Variants in FAM234A observed in about 807,000 individuals in gnomAD.
The protein encoded by FAM234A is family with sequence similarity 234 member A.
FAM234A carries 42 observed loss-of-function variants against 49.1 expected under a neutral mutation model. The ratio of observed to expected loss-of-function variants is 0.86; its 90% CI spans 0.67 to 1.11. The LOEUF (loss-of-function observed/expected upper bound fraction) is 1.11, where lower values mean the gene tolerates loss of function less well. Ranked by LOEUF, FAM234A falls within the 50% of genes least tolerant of loss-of-function variation. The probability of loss-of-function intolerance (pLI) is 0.00; values close to 1 mark genes in which losing one functional copy is unlikely to be tolerated. For synonymous variants in FAM234A, 369 were observed against 316.2 expected, an observed-to-expected ratio of 1.17 and a Z score of -1.77; for missense variants, 815 against 745.2, an observed-to-expected ratio of 1.09 and a Z score of -1.09.
downstream of FAM234A, chr16:269,710 G>T: frequency 2.7e-6 from 2 of 749,472 alleles, no homozygotes; most frequent in Non-Finnish European, 4.4e-6. Context: ...CGGACAGGGT[G>T]CTGGAGGCAG....
chr16:241,353 G>C (rs2050605717), intron 1 of FAM234A, among the ~76,000 whole-genome samples: 1 of 152,098 alleles, frequency 6.6e-6, no homozygotes, highest in African/African-American at 2.4e-5. Flanking sequence ...AGGCAGAGGT[G>C]GGAGGATCAC....
At position 254,229 on chromosome 16, in the gene FAM234A, A is replaced by G. The variant is rs1596806706; in HGVS notation, c.-33-152A>G. Reference sequence around the variant, plus strand: ...TATAATCTGTTAAGACTGACACCCTAAACATTTATTTAGCTTTTATTTCCT... The same window carrying G: ...TATAATCTGTTAAGACTGACACCCTGAACATTTATTTAGCTTTTATTTCCT... On this transcript the variant is annotated intron_variant, in intron 2 of 12. Transcript: ENST00000399932. 5.9e-6 allele frequency: 4 copies of G among 682,294 alleles called. No individual in the cohort carries two copies. In the East Asian group the frequency reaches 9.9e-5, roughly 17 times the overall value. 42.3% of individuals were successfully genotyped at this position (682,294 alleles called of 1,614,324 possible).
intron 4 of FAM234A, among the ~76,000 whole-genome samples, 154 bp from the exon 5 acceptor site, chr16:259,815 G>A (rs1053086799): frequency 1.3e-5 from 2 of 152,168 alleles, no homozygotes; most frequent in African/African-American, 2.4e-5. Context: ...TTAGAGCCCC[G>A]GGAGCCTGCA....
chr16:260,077 C>G lies in FAM234A; in HGVS notation c.494C>G (p.Pro165Arg). The change falls in exon 5 of 13, where the codon CCC becomes CGC. Residue 165 changes from proline to arginine, a missense_variant. Transcript: ENST00000399932. ...QDVALVECAV[P>R]QPRGSEAPSA... The stretch of plus-strand genomic sequence containing the variant: ...GTGGCCCTCGTGGAGTGTGCTGTGC[C>G]CCAGCCAAGAGGCAGTGAGGCACCT... The G allele has an allele frequency of 6.2e-7, 1 of 1,613,882 alleles. No individual in the cohort carries two copies. The highest frequency in any genetic ancestry group is 8.5e-7 in the Non-Finnish European group (1 of 1,180,022).
chr16:263,002 T>A (rs1249522333), intron 8 of FAM234A, among the ~76,000 whole-genome samples: 4 of 152,132 alleles, frequency 2.6e-5, no homozygotes, highest in Non-Finnish European at 4.4e-5. Flanking sequence ...GCATTTTTAG[T>A]AGAGACGGGG....
chr16:250,163 C>T (rs568477804), intron 2 of FAM234A, among the ~76,000 whole-genome samples: 1 of 152,316 alleles, frequency 6.6e-6, no homozygotes, highest in South Asian at 2.1e-4. Flanking sequence ...GATCTCCTGA[C>T]CTCGTGATCC....
downstream of FAM234A, chr16:269,346 G>C: frequency 6.2e-7 from 1 of 1,603,726 alleles, no homozygotes. Context: ...GCAGGGCTGG[G>C]GCTCGAGTGC....
Position 259,951 on chromosome 16 carries a change from C to G in FAM234A, c.386-18C>G. 2 of 1,607,488 alleles carry G rather than the reference C, an allele frequency of 1.2e-6. No individual in the cohort carries two copies. Among genetic ancestry groups the G allele is most frequent in the Non-Finnish European group, 1.7e-6 (2 of 1,176,628 alleles). ...CCCAGATGGTGCAACAGTGAGGTGC[C>G]GGTGTCTCTCCCTACAGGCTTTTCC... is the stretch of plus-strand genomic sequence containing the variant. On this transcript the variant is annotated intron_variant, in intron 4 of 12. Transcript: ENST00000399932.
At chr16:249,977 G>A (rs1011683771) in intron 2 of FAM234A, among the ~76,000 whole-genome samples, 4 of 151,838 alleles carry the variant, frequency 2.6e-5, no homozygotes, top group African/African-American at 4.8e-5. Flanking sequence ...ACGGAGTCTC[G>A]CTCTGTCGCC....
downstream of FAM234A, chr16:268,430 G>A (rs1567232281): frequency 2.8e-6 from 1 of 362,496 alleles, no homozygotes; most frequent in Non-Finnish European, 5.2e-6. Flanking sequence ...AGTTGAAGCT[G>A]CACCCCCGAA....
downstream of FAM234A, among the ~76,000 whole-genome samples, chr16:266,641 TC>T (rs1368744877): frequency 2.0e-5 from 3 of 152,200 alleles, no homozygotes; most frequent in African/African-American, 7.2e-5. Flanking sequence ...GTAACCTTGT[TC>T]CCATTGCTCC....
At chr16:244,241 T>C (rs530667554) in intron 1 of FAM234A, among the ~76,000 whole-genome samples, 8 of 152,232 alleles carry the variant, frequency 5.3e-5, no homozygotes, top group Admixed American at 1.3e-4. Flanking sequence ...GTGCTGGGAT[T>C]ACAGGCGTGA....
At chr16:247,602 T>C (rs755399193) in intron 1 of FAM234A, among the ~76,000 whole-genome samples, 1 of 151,760 alleles carries the variant, frequency 6.6e-6, no homozygotes, top group Non-Finnish European at 1.5e-5. Flanking sequence ...CGACTAATTT[T>C]TGTATTTTTT....
At chr16:253,222 C>T (rs370073808) in intron 2 of FAM234A, among the ~76,000 whole-genome samples, 27 of 152,286 alleles carry the variant, frequency 1.8e-4, no homozygotes, top group African/African-American at 6.0e-4. Context: ...ACCCCCGGTC[C>T]GGCCAGCAGG....
chr16:245,821 C>A (rs1267507806), intron 1 of FAM234A, among the ~76,000 whole-genome samples: 2 of 152,170 alleles, frequency 1.3e-5, no homozygotes, highest in African/African-American at 4.8e-5. Context: ...TTAATGATTT[C>A]CACCTTTGGG....
intron 1 of FAM234A, among the ~76,000 whole-genome samples, chr16:238,104 C>T (rs1001572088): frequency 4.6e-5 from 7 of 152,048 alleles, no homozygotes; most frequent in Non-Finnish European, 7.4e-5. Context: ...CTGCAACCCC[C>T]GCCTCCCAGG....
chr16:263,546 A>ACTTGCCC (rs1445227358), intron 9 of FAM234A, 144 bp downstream of exon 9: 7 of 1,324,790 alleles, frequency 5.3e-6, no homozygotes, highest in South Asian at 3.9e-5. Context: ...TGTCTCTGGT[A>ACTTGCCC]CTTGCCCCTT....
chr16:263,621 G>A (rs567978677), intron 9 of FAM234A, 79 bp from the exon 10 acceptor site: 55 of 1,316,326 alleles, frequency 4.2e-5, no homozygotes, highest in African/African-American at 1.2e-4. Flanking sequence ...ACTGAGGGGC[G>A]GACGTGTTCC....
downstream of FAM234A, chr16:269,598 G>C (rs750743059): frequency 5.2e-5 from 83 of 1,606,290 alleles, 3 homozygotes; most frequent in South Asian, 8.5e-4. Context: ...ACAAGAGACA[G>C]CGTCCAGCCC....
Sources: allele counts gnomAD v4.1 joint callset (sites outside exome capture counted in the v4.1 genomes callset), GRCh38; gene constraint gnomAD v4.1.1; transcripts MANE v1.5; gene names NCBI Gene and HGNC (gene_info 2026-07-23, HGNC 2026-07-21).